The following ATXN7L1 variants were observed in gnomAD, a reference collection of about 807,000 sequenced individuals.
ATXN7L1 encodes ataxin-7-like protein 1.
ATXN7L1 carries 15 observed loss-of-function variants against 70.8 expected under a neutral mutation model. That is an observed-to-expected ratio of 0.21 (90% CI 0.14 to 0.33). The LOEUF (loss-of-function observed/expected upper bound fraction) is 0.33, where lower values mean the gene tolerates loss of function less well. Ranked by LOEUF, ATXN7L1 falls within the 10% of genes least tolerant of loss-of-function variation. The pLI, the probability that ATXN7L1 is intolerant of heterozygous loss-of-function variation, is 1.00. For missense variants in ATXN7L1, 975 were observed against 1,097.1 expected (o/e 0.89, Z 1.57); for synonymous variants, 440 against 445.1 (o/e 0.99, Z 0.14).
chr7:105,844,331 AC>A (rs1443985320), intron 2 of ATXN7L1, among the ~76,000 whole-genome samples: 1 of 152,186 alleles, frequency 6.6e-6, no homozygotes, highest in East Asian at 1.9e-4. Context: ...AAAATCTCCA[AC>A]AAGATACTAG....
At chr7:105,856,671 A>T (rs1038876158) in intron 2 of ATXN7L1, among the ~76,000 whole-genome samples, 2 of 152,188 alleles carry the variant, frequency 1.3e-5, no homozygotes, top group Admixed American at 6.5e-5. Flanking sequence ...AAAATGTATA[A>T]TAAACATATA....
chr7:105,876,588 G>T lies in ATXN7L1; in HGVS notation c.-30C>A. 1.2e-6 allele frequency: 1 copy of T among 823,310 alleles called. No homozygotes were observed. Among genetic ancestry groups the T allele is most frequent in the Non-Finnish European group, 1.8e-6 (1 of 555,208 alleles). The allele number at this position is 823,310 out of a possible 1,614,324, so 51.0% of individuals were successfully genotyped here. ...GGAACGTTCCGACATTGAGTGTTCT[G>T]AAAGGGGGAGGGAGGGAGGAAGGGC... On this transcript the variant is annotated 5_prime_UTR_variant, in exon 1 of 12. Coordinates refer to ENST00000419735, the MANE Select transcript of ATXN7L1 (RefSeq NM_020725.2).
intron 2 of ATXN7L1, among the ~76,000 whole-genome samples, chr7:105,860,910 G>T (rs1816531468): frequency 6.6e-6 from 1 of 152,230 alleles, no homozygotes; most frequent in Admixed American, 6.5e-5. Flanking sequence ...CAAGACACAT[G>T]TGGACCATGG....
At chr7:105,679,871 T>A (rs148449530) in intron 3 of ATXN7L1, among the ~76,000 whole-genome samples, 5 of 152,158 alleles carry the variant, frequency 3.3e-5, no homozygotes, top group African/African-American at 1.2e-4. Flanking sequence ...TCAATACCAC[T>A]GAATTGTACA....
chr7:105,690,910 C>T (rs928159571), intron 3 of ATXN7L1, among the ~76,000 whole-genome samples: 8 of 152,196 alleles, frequency 5.3e-5, no homozygotes, highest in Non-Finnish European at 8.8e-5. Context: ...AACATGCACA[C>T]GGGCCCCCAA....
intron 2 of ATXN7L1, among the ~76,000 whole-genome samples, chr7:105,860,235 T>G (rs1358775920): frequency 1.3e-5 from 2 of 149,876 alleles, no homozygotes; most frequent in Admixed American, 1.3e-4. Context: ...TATTTCAACC[T>G]TTTTATACAT....
intron 2 of ATXN7L1, among the ~76,000 whole-genome samples, chr7:105,815,199 C>T (rs187373134): frequency 3.9e-5 from 6 of 152,208 alleles, no homozygotes; most frequent in Non-Finnish European, 7.4e-5. Context: ...TATTATGGAG[C>T]GAAGAGGGGG....
intron 3 of ATXN7L1, among the ~76,000 whole-genome samples, chr7:105,753,993 C>A (rs1258443180): frequency 6.6e-6 from 1 of 152,176 alleles, no homozygotes; most frequent in Admixed American, 6.5e-5. Flanking sequence ...CATTTTAATC[C>A]TTCTCGGTCT....
At chr7:105,876,278 G>T in intron 1 of ATXN7L1, 100 bp downstream of exon 1, 1 of 1,369,428 alleles carries the variant, frequency 7.3e-7, no homozygotes, top group Non-Finnish European at 9.8e-7. Context: ...GGACACCGGG[G>T]GCCACTCTCT....
rs144063063 is a variant in ATXN7L1 at position 105,798,590 on chromosome 7, C to T, written c.251-9882G>A. On this transcript the variant is annotated intron_variant, in intron 2 of 11. Coordinates refer to ENST00000419735, the MANE Select transcript of ATXN7L1 (RefSeq NM_020725.2). ...TGCAAAGGGCTCCCCTTGGCCTATGCCTGCCTTAGGCTCATGCATATCTTC... is the reference window on the plus strand; with the variant it reads ...TGCAAAGGGCTCCCCTTGGCCTATGTCTGCCTTAGGCTCATGCATATCTTC... Among the ~76,000 whole-genome samples, 95 of 152,358 alleles carry T rather than the reference C, an allele frequency of 6.2e-4. 1 individual carries two copies. The South Asian group carries it at 0.013, about 21-fold the overall frequency.
At chr7:105,698,466 G>T (rs1792024247) in intron 3 of ATXN7L1, among the ~76,000 whole-genome samples, 1 of 152,216 alleles carries the variant, frequency 6.6e-6, no homozygotes. Flanking sequence ...CTGGGCTCAA[G>T]TGATCCTCCC....
At chr7:105,619,540 T>A (rs1486037869) in intron 9 of ATXN7L1, among the ~76,000 whole-genome samples, 259 of 6,716 alleles carry the variant, frequency 0.039, no homozygotes, top group South Asian at 0.056. Context: ...ATTTTTTTTT[T>A]TTTTTTTTTT....
Position 105,649,107 on chromosome 7 carries a change from A to G in ATXN7L1, c.579-5986T>C, listed in dbSNP as rs549094938. ...TAAAGGATGCATGTGCACACTTCCC[A>G]AAGTCGCACAATTAGTTGCATTTAT... is the stretch of plus-strand genomic sequence containing the variant. On this transcript the variant is annotated intron_variant, in intron 4 of 11. Transcript: ENST00000419735. Among the ~76,000 whole-genome samples, 3 of 152,294 alleles carry G rather than the reference A, an allele frequency of 2.0e-5. No homozygotes were observed. In the East Asian group the frequency reaches 5.8e-4, roughly 29 times the overall value.
In ATXN7L1 at chr7:105,643,035, G is replaced by C; in HGVS notation, c.665C>G (p.Thr222Ser). The C allele has an allele frequency of 6.4e-7, 1 of 1,551,584 alleles. No individual in the cohort carries two copies. The highest frequency in any genetic ancestry group is 8.7e-7 in the Non-Finnish European group (1 of 1,146,852). Residue 222 changes from threonine to serine, a missense_variant, in exon 5 of 12, where the codon ACT (threonine) becomes AGT (serine). This residue lies in a region of ATXN7L1 where 192 missense variants were observed against 215.5 expected (regional missense o/e 0.89). Coordinates refer to ENST00000419735, the MANE Select transcript of ATXN7L1 (RefSeq NM_020725.2). ...GGTGGAGGAGGCAGAAACTGCAGTA[G>C]TGGTTGTGGAGTTCATTTTGACATT... ...GANVKMNSTT[T>S]TAVSASSTSS...
chr7:105,834,832 T>C (rs1183438167), intron 2 of ATXN7L1, among the ~76,000 whole-genome samples: 1 of 151,972 alleles, frequency 6.6e-6, no homozygotes, highest in Non-Finnish European at 1.5e-5. Flanking sequence ...TTACAGGAAA[T>C]TTGAGGCTGC....
intron 2 of ATXN7L1, among the ~76,000 whole-genome samples, chr7:105,816,664 G>A (rs1329988406): frequency 6.6e-6 from 1 of 152,222 alleles, no homozygotes; most frequent in Non-Finnish European, 1.5e-5. Context: ...CCCAAGTGGA[G>A]GCCCCAGTGG....
intron 5 of ATXN7L1, among the ~76,000 whole-genome samples, chr7:105,641,380 G>A (rs1050807167): frequency 2.6e-5 from 4 of 151,424 alleles, no homozygotes; most frequent in African/African-American, 9.7e-5. Context: ...CCACACCAGC[G>A]CCTCATGTCG....
intron 7 of ATXN7L1, among the ~76,000 whole-genome samples, chr7:105,627,086 A>G (rs1262977158): frequency 1.3e-5 from 2 of 152,168 alleles, no homozygotes; most frequent in East Asian, 1.9e-4. Flanking sequence ...TTTGTTTCCA[A>G]ACTTTCTAAC....
At chr7:105,816,223 C>T (rs1809172564) in intron 2 of ATXN7L1, among the ~76,000 whole-genome samples, 3 of 151,990 alleles carry the variant, frequency 2.0e-5, no homozygotes, top group South Asian at 4.2e-4. Flanking sequence ...GGGTTAATAC[C>T]AGAAAAAATA....
Sources: gnomAD v4.1 joint callset for allele counts (sites outside exome capture counted in the v4.1 genomes callset) on GRCh38, gnomAD v4.1.1 for gene constraint, gnomAD v4.1.1 regional missense constraint, MANE v1.5 for transcripts, NCBI Gene and HGNC (gene_info 2026-07-23, HGNC 2026-07-21) for gene names.